The following BLK variants were observed in gnomAD, a reference collection of about 807,000 sequenced individuals.
BLK encodes the protein BLK proto-oncogene, Src family tyrosine kinase.
A neutral mutation model predicts 61.8 loss-of-function variants in BLK; 64 were observed. The observed-to-expected ratio is 1.03, with a 90% CI of 0.85 to 1.27. BLK has a LOEUF of 1.27. BLK is among the 50% of genes most tolerant of loss of function. The pLI is 0.00. For synonymous variants in BLK, 351 were observed against 272.0 expected, an observed-to-expected ratio of 1.29 and a Z score of -2.86; for missense variants, 853 against 660.5, an observed-to-expected ratio of 1.29 and a Z score of -3.19.
Position 11,554,856 on chromosome 8 carries a change from C to T in BLK, c.586C>T (p.Pro196Ser), listed in dbSNP as rs765924109. ...CTACATCTCCCCCCGGATCACCTTC[C>T]CCTCGCTCCAGGCCCTGGTGCAGCA... Reference protein sequence around the residue: ...GYYISPRITFPSLQALVQHYS... With the variant: ...GYYISPRITFSSLQALVQHYS... Residue 196 changes from proline to serine, a missense_variant, in exon 7 of 13, where the codon CCC (proline) becomes TCC (serine). By Grantham distance (74) the Pro-to-Ser change is moderately conservative. Transcript: ENST00000259089. 7 of 1,613,760 alleles carry T rather than the reference C, an allele frequency of 4.3e-6. No individual in the cohort carries two copies. The highest frequency in any genetic ancestry group is 5.1e-6 in the Non-Finnish European group (6 of 1,180,006).
rs1381122941 is a variant in BLK at position 11,553,258 on chromosome 8, G to A, written c.473-1485G>A. 4 of 229,484 alleles carry A rather than the reference G, an allele frequency of 1.7e-5. No homozygotes were observed. The Middle Eastern group carries it at 1.5e-3, about 84-fold the overall frequency. 14.2% of individuals were successfully genotyped at this position (229,484 alleles called of 1,614,324 possible). On this transcript the variant is annotated intron_variant, in intron 6 of 12. Coordinates refer to ENST00000259089, the MANE Select transcript of BLK (RefSeq NM_001715.3). ...GCCTCTCAAGCCTCAGTTTACTGGTGTCTATGTGAGGATAGACTAGTTTCA... is the reference window on the plus strand; with the variant it reads ...GCCTCTCAAGCCTCAGTTTACTGGTATCTATGTGAGGATAGACTAGTTTCA...
intron 3 of BLK, among the ~76,000 whole-genome samples, chr8:11,547,703 C>T (rs1442416075): frequency 6.6e-6 from 1 of 152,188 alleles, no homozygotes; most frequent in Non-Finnish European, 1.5e-5. Context: ...GCTCCCAGCA[C>T]TATGTCCGAA....
intron 1 of BLK, among the ~76,000 whole-genome samples, chr8:11,499,228 C>A (rs140566465): frequency 1.3e-5 from 2 of 152,224 alleles, no homozygotes; most frequent in Non-Finnish European, 2.9e-5. Context: ...TTAGTACAGT[C>A]GCAGGCTGTG....
intron 8 of BLK, 56 bp from the exon 9 acceptor site, chr8:11,556,602 C>T: frequency 2.5e-6 from 4 of 1,610,770 alleles, no homozygotes; most frequent in Non-Finnish European, 3.4e-6. Flanking sequence ...GTTAAGGGAT[C>T]ACCTCCGAGC....
chr8:11,534,635 T>G (rs1000343326), intron 1 of BLK, among the ~76,000 whole-genome samples: 2 of 152,120 alleles, frequency 1.3e-5, no homozygotes, highest in Admixed American at 6.5e-5. Context: ...TTTACCACAA[T>G]GGGGGGAGGT....
intron 12 of BLK, 59 bp downstream of exon 12, chr8:11,563,169 G>T (rs867408722): frequency 6.2e-7 from 1 of 1,610,206 alleles, no homozygotes; most frequent in South Asian, 1.1e-5. Context: ...CCTGATGGCA[G>T]GTCGCCTGTG....
chr8:11,522,614 G>C (rs1799500108), intron 1 of BLK, among the ~76,000 whole-genome samples: 1 of 151,510 alleles, frequency 6.6e-6, no homozygotes, highest in Non-Finnish European at 1.5e-5. Flanking sequence ...TTTTGAAACA[G>C]TGTCCCTTAG....
At chr8:11,563,797 C>A (rs1801599998) in intron 12 of BLK, 106 bp from the exon 13 acceptor site, 8 of 1,135,244 alleles carry the variant, frequency 7.0e-6, no homozygotes, top group Non-Finnish European at 2.5e-6. Flanking sequence ...ACTGTGGGCA[C>A]TGCTGTCCCT....
In BLK at chr8:11,556,762, C is replaced by T. The variant is rs1055710540; in HGVS notation, c.877C>T (p.His293Tyr). 1.2e-6 allele frequency: 2 copies of T among 1,614,092 alleles called. No individual in the cohort carries two copies. Among genetic ancestry groups the T allele is most frequent in the Non-Finnish European group, 1.7e-6 (2 of 1,180,050 alleles). The change falls in exon 9 of 13, where the codon CAC becomes TAC. Residue 293 changes from histidine to tyrosine, a missense_variant. Transcript: ENST00000259089. The stretch of plus-strand genomic sequence containing the variant: ...GGCCAACGTGATGAAGGCTCTGCAG[C>T]ACGAGCGGCTGGTCCGACTCTACGC... ...GEANVMKALQ[H>Y]ERLVRLYAVV...
At chr8:11,515,978 G>A (rs901753070) in intron 1 of BLK, among the ~76,000 whole-genome samples, 2 of 152,224 alleles carry the variant, frequency 1.3e-5, no homozygotes, top group African/African-American at 2.4e-5. Context: ...GTGTGCACTC[G>A]CGTGCCTGGG....
intron 1 of BLK, among the ~76,000 whole-genome samples, chr8:11,514,570 C>A (rs1585337894): frequency 6.6e-6 from 1 of 152,176 alleles, no homozygotes; most frequent in Non-Finnish European, 1.5e-5. Context: ...TGACACAGTG[C>A]AGAGATGCTG....
chr8:11,536,920 C>T (rs1359373119), intron 1 of BLK, among the ~76,000 whole-genome samples: 2 of 152,166 alleles, frequency 1.3e-5, no homozygotes, highest in East Asian at 3.9e-4. Context: ...GCATGCCTTT[C>T]CTCCTTATTT....
chr8:11,549,328 C>A (rs766871916), intron 5 of BLK, among the ~76,000 whole-genome samples: 1 of 152,166 alleles, frequency 6.6e-6, no homozygotes, highest in African/African-American at 2.4e-5. Context: ...CTGAGCAAGC[C>A]GCTCTTCCCA....
intron 1 of BLK, among the ~76,000 whole-genome samples, chr8:11,516,984 G>C (rs1185749961): frequency 2.0e-5 from 3 of 152,198 alleles, no homozygotes. Flanking sequence ...TGTTTAATTT[G>C]TCGAGGAGAC....
chr8:11,520,511 GAA>G (rs1563435697), intron 1 of BLK, among the ~76,000 whole-genome samples: 23 of 115,114 alleles, frequency 2.0e-4, no homozygotes, highest in African/African-American at 7.3e-4. Context: ...AAGGAAGAAA[GAA>G]AAAGAAAGAA....
At chr8:11,558,995 G>A in intron 10 of BLK, 1 of 456,260 alleles carries the variant, frequency 2.2e-6, no homozygotes, top group Non-Finnish European at 4.4e-6. Context: ...GGCTGGTTTT[G>A]GAAAATGAGT....
chr8:11,526,940 C>T (rs561434492), intron 1 of BLK, among the ~76,000 whole-genome samples: 5 of 152,240 alleles, frequency 3.3e-5, no homozygotes, highest in African/African-American at 1.2e-4. Context: ...GAGAATTTCC[C>T]AAATATCAAG....
chr8:11,539,578 G>A (rs1436338277), intron 1 of BLK, among the ~76,000 whole-genome samples: 1 of 152,142 alleles, frequency 6.6e-6, no homozygotes, highest in Admixed American at 6.5e-5. Flanking sequence ...AAAGGTATGT[G>A]TGCTTTTTTA....
intron 1 of BLK, among the ~76,000 whole-genome samples, chr8:11,506,350 G>GA (rs1372099424): frequency 6.6e-6 from 1 of 151,948 alleles, no homozygotes; most frequent in Non-Finnish European, 1.5e-5. Context: ...TCATTTTTTA[G>GA]AAAAAAAGAA....
Sources: allele counts gnomAD v4.1 joint callset (sites outside exome capture counted in the v4.1 genomes callset), GRCh38; gene constraint gnomAD v4.1.1; transcripts MANE v1.5; gene names NCBI Gene and HGNC (gene_info 2026-07-23, HGNC 2026-07-21).